Variants in SLC30A10 observed in about 807,000 individuals in gnomAD.
SLC30A10 encodes solute carrier family 30 member 10.
In SLC30A10, 8 loss-of-function variants were observed where a neutral mutation model predicts 21.7. The ratio of observed to expected loss-of-function variants is 0.37; its 90% CI spans 0.22 to 0.67. The LOEUF (loss-of-function observed/expected upper bound fraction) is 0.67, where lower values mean the gene tolerates loss of function less well. Among genes scored for constraint, SLC30A10 ranks in the 30% least tolerant of loss-of-function variants. The pLI is 0.58. For missense variants in SLC30A10, 521 were observed against 642.5 expected, an observed-to-expected ratio of 0.81 and a Z score of 2.04; for synonymous variants, 272 against 279.4, an observed-to-expected ratio of 0.97 and a Z score of 0.26.
At chr1:219,940,194 A>T (rs1383006184) in intron 1 of SLC30A10, among the ~76,000 whole-genome samples, 1 of 152,208 alleles carries the variant, frequency 6.6e-6, no homozygotes, top group East Asian at 1.9e-4. Context: ...ACGCTGAGCC[A>T]CCACACCCAA....
Position 219,915,182 on chromosome 1 carries a change from A to G in SLC30A10, c.*267T>C. The G allele has an allele frequency of 2.1e-6, 1 of 475,910 alleles. No homozygotes were observed. Among genetic ancestry groups the G allele is most frequent in the Non-Finnish European group, 3.8e-6 (1 of 261,614 alleles). The allele number at this position is 475,910 out of a possible 1,614,324, so 29.5% of individuals were successfully genotyped here. ...AGACTTTAATGTCCCTGATATATAC[A>G]CTAGTGCAGTTTGCTTTAGAAAATG... On this transcript the variant is annotated 3_prime_UTR_variant, in exon 4 of 4. Transcript: ENST00000366926.
rs890104850 is a variant in SLC30A10, at chr1:219,914,038, T to C, written c.*1411A>G. ...TGATGTTTGTTCTGTGGATGCTGCC[T>C]TCATTATCAACCCAGCACCTCTGAA... On this transcript the variant is annotated 3_prime_UTR_variant, in exon 4 of 4. Transcript: ENST00000366926. The C allele has an allele frequency of 1.4e-5, 2 of 147,404 alleles. No individual in the cohort carries two copies. Among genetic ancestry groups the C allele is most frequent in the Non-Finnish European group, 3.0e-5 (2 of 66,600 alleles). The allele number at this position is 147,404 out of a possible 1,614,324, so 9.1% of individuals were successfully genotyped here.
intron 1 of SLC30A10, 123 bp downstream of exon 1, chr1:219,927,678 C>CAAA (rs111682715): frequency 1.3e-5 from 4 of 319,392 alleles, no homozygotes; most frequent in South Asian, 1.8e-4. Context: ...ACAACAACAA[C>CAAA]AAAAAAAAAA....
intron 1 of SLC30A10, among the ~76,000 whole-genome samples, chr1:219,954,293 G>A (rs1204175945): frequency 3.9e-5 from 6 of 152,078 alleles, no homozygotes; most frequent in Non-Finnish European, 8.8e-5. Flanking sequence ...TGCTGTCACT[G>A]CCTCTAGCGA....
At chr1:219,937,674 C>T (rs1182396424) in intron 1 of SLC30A10, among the ~76,000 whole-genome samples, 22 of 152,168 alleles carry the variant, frequency 1.4e-4, no homozygotes, top group Admixed American at 1.4e-3. Context: ...ATTAGTCAGG[C>T]GTGCTGGTGT....
chr1:219,944,334 G>A (rs988743115), intron 1 of SLC30A10, among the ~76,000 whole-genome samples: 1 of 151,968 alleles, frequency 6.6e-6, no homozygotes, highest in African/African-American at 2.4e-5. Context: ...TTTAGTGCCA[G>A]CTACTCAGGA....
intron 1 of SLC30A10, among the ~76,000 whole-genome samples, chr1:219,950,386 T>G (rs540477973): frequency 6.6e-6 from 1 of 152,292 alleles, no homozygotes; most frequent in South Asian, 2.1e-4. Flanking sequence ...ATGCCTGTAA[T>G]CCCAGCACTT....
At position 219,918,686 on chromosome 1, in the gene SLC30A10, C is replaced by G. The variant is rs965097400; in HGVS notation, c.719-192G>C. On this transcript the variant is annotated intron_variant, in intron 2 of 3. Transcript: ENST00000366926. This position sits in a 1 kb window ranked among gnomAD's most constrained non-coding sequence, Gnocchi z 4.4. Reference sequence around the variant, plus strand: ...AGGAAACAAAACCCCAGGCCACCATCGCAGGACTCAGAGTACCTTGGAAGA... The same window carrying G: ...AGGAAACAAAACCCCAGGCCACCATGGCAGGACTCAGAGTACCTTGGAAGA... 5.1e-6 allele frequency: 3 copies of G among 589,216 alleles called. No homozygotes were observed. Among genetic ancestry groups the G allele is most frequent in the Non-Finnish European group, 5.5e-6 (2 of 360,808 alleles). The allele number at this position is 589,216 out of a possible 1,614,324, so 36.5% of individuals were successfully genotyped here.
chr1:219,917,708 C>CTT (rs35106027), intron 3 of SLC30A10, among the ~76,000 whole-genome samples: 37 of 104,102 alleles, frequency 3.6e-4, no homozygotes, highest in Non-Finnish European at 5.2e-4. Flanking sequence ...TTTTTCTTTC[C>CTT]TTTTTTTTTT....
intron 1 of SLC30A10, among the ~76,000 whole-genome samples, chr1:219,947,920 A>T (rs1482430204): frequency 1.3e-5 from 2 of 152,080 alleles, no homozygotes; most frequent in East Asian, 3.9e-4. Context: ...AAGTTTCAGG[A>T]TACAAAATCA....
chr1:219,934,397 A>C (rs1273162878), intron 1 of SLC30A10, among the ~76,000 whole-genome samples: 3 of 152,044 alleles, frequency 2.0e-5, no homozygotes, highest in African/African-American at 4.8e-5. Context: ...TGGGAGGCGG[A>C]GGTTGCAGTG....
chr1:219,928,493 C>T lies in SLC30A10; in HGVS notation c.-53G>A. 1.4e-6 allele frequency: 2 copies of T among 1,446,582 alleles called. No individual in the cohort carries two copies. The highest frequency in any genetic ancestry group is 1.5e-5 in the South Asian group (1 of 68,142). 89.6% of individuals were successfully genotyped at this position (1,446,582 alleles called of 1,614,324 possible). ...CCGCCCAGGGGAGCGCAGCCCACCC[C>T]GCGCGCAGCCACAGGTGGGGGGCGC... On this transcript the variant is annotated 5_prime_UTR_variant, in exon 1 of 4. Coordinates refer to ENST00000366926, the MANE Select transcript of SLC30A10 (RefSeq NM_018713.3). This position sits in a 1 kb window ranked among gnomAD's most constrained non-coding sequence, Gnocchi z 6.3.
In SLC30A10 at chr1:219,915,309, A is replaced by C. The variant is rs1382463544; in HGVS notation, c.*140T>G. 1.8e-6 allele frequency: 2 copies of C among 1,092,706 alleles called. No homozygotes were observed. The highest frequency in any genetic ancestry group is 2.3e-5 in the Admixed American group (1 of 43,160). The allele number at this position is 1,092,706 out of a possible 1,614,324, so 67.7% of individuals were successfully genotyped here. A position where few individuals can be genotyped will look rare whatever the true frequency, so the allele number is the denominator to read the frequency against. On this transcript the variant is annotated 3_prime_UTR_variant, in exon 4 of 4. Transcript: ENST00000366926. ...CACAGACACGTTTAACTAAAATCCCAAACAGCCAACCCCTAGTGAACACAG... is the reference window on the plus strand; with the variant it reads ...CACAGACACGTTTAACTAAAATCCCCAACAGCCAACCCCTAGTGAACACAG...
intron 1 of SLC30A10, among the ~76,000 whole-genome samples, chr1:219,951,842 C>A (rs1247913080): frequency 6.6e-6 from 1 of 152,084 alleles, no homozygotes; most frequent in African/African-American, 2.4e-5. Flanking sequence ...TCCAAGCTAT[C>A]CTCCTGTCTT....
chr1:219,939,519 C>G (rs578195705), intron 1 of SLC30A10, among the ~76,000 whole-genome samples: 2 of 152,064 alleles, frequency 1.3e-5, no homozygotes, highest in Admixed American at 6.5e-5. Context: ...ACCTCCACCC[C>G]CCCAGGTTCA....
intron 1 of SLC30A10, among the ~76,000 whole-genome samples, chr1:219,949,626 G>A (rs1660239450): frequency 6.6e-6 from 1 of 152,060 alleles, no homozygotes; most frequent in Non-Finnish European, 1.5e-5. Context: ...GGAAGGGATA[G>A]CTTTAGGAGA....
chr1:219,915,757 T>C lies in SLC30A10; in HGVS notation c.1150A>G (p.Asn384Asp). Residue 384 changes from asparagine (N) to aspartate (D), a missense_variant, in exon 4 of 4, where the codon AAT becomes GAT. Asn to Asp is a conservative substitution (Grantham distance 23, BLOSUM62 1). Transcript: ENST00000366926. Reference protein sequence around the residue: ...GIHNVTIQFENVDLKEPLEQK... With the variant: ...GIHNVTIQFEDVDLKEPLEQK... ...TCCAGGGGTTCCTTCAAGTCCACAT[T>C]TTCAAACTGGATGGTCACATTGTGG... is the stretch of plus-strand genomic sequence containing the variant. 1.2e-6 allele frequency: 2 copies of C among 1,614,182 alleles called. No individual in the cohort carries two copies. The highest frequency in any genetic ancestry group is 1.7e-6 in the Non-Finnish European group (2 of 1,180,026).
Position 219,915,964 on chromosome 1 carries a change from G to A in SLC30A10, c.959-16C>T. 3 of 1,601,266 alleles carry A rather than the reference G, an allele frequency of 1.9e-6. No individual in the cohort carries two copies. The highest frequency in any genetic ancestry group is 2.6e-6 in the Non-Finnish European group (3 of 1,173,274). On this transcript the variant is annotated splice_polypyrimidine_tract_variant and intron_variant, in intron 3 of 3. Transcript: ENST00000366926. ...AGTTTACTCACTATAACAGAGAAGAGCAAACAAAAGCCAAGGTGAGCGCTG... is the reference window on the plus strand; with the variant it reads ...AGTTTACTCACTATAACAGAGAAGAACAAACAAAAGCCAAGGTGAGCGCTG...
upstream of SLC30A10, among the ~76,000 whole-genome samples, chr1:219,932,506 G>A (rs1306963419): frequency 1.3e-5 from 2 of 152,148 alleles, no homozygotes; most frequent in East Asian, 1.9e-4. Context: ...TGCCTTTGGA[G>A]AAGAGAATGG....
Sources: gnomAD v4.1 joint callset for allele counts (sites outside exome capture counted in the v4.1 genomes callset) on GRCh38, gnomAD v4.1.1 for gene constraint, Gnocchi (gnomAD v3.1) non-coding constraint, MANE v1.5 for transcripts, NCBI Gene and HGNC (gene_info 2026-07-23, HGNC 2026-07-21) for gene names.